The following PDE1C variants were observed in gnomAD, a reference collection of about 807,000 sequenced individuals.
PDE1C encodes the protein phosphodiesterase 1C, also known as dual specificity calcium/calmodulin-dependent 3',5'-cyclic nucleotide phosphodiesterase 1C.
Under a neutral mutation model 93.1 loss-of-function variants are expected in PDE1C, and 62 were observed. That is an observed-to-expected ratio of 0.67 (90% confidence interval 0.54 to 0.82). PDE1C has a LOEUF of 0.82. Ranked by LOEUF, PDE1C falls within the 40% of genes least tolerant of loss-of-function variation. PDE1C has a pLI of 0.00. For synonymous variants in PDE1C, 325 were observed against 310.1 expected (o/e 1.05, Z -0.50); for missense variants, 742 against 884.6 (o/e 0.84, Z 2.04).
chr7:32,165,514 C>A (rs965555866), intron 3 of PDE1C, among the ~76,000 whole-genome samples: 3 of 152,110 alleles, frequency 2.0e-5, no homozygotes, highest in Admixed American at 2.0e-4. Flanking sequence ...ACAACCATGG[C>A]AGAAGGTGAA....
the PDE1C span, among the ~76,000 whole-genome samples, chr7:31,729,653 G>T: frequency 6.6e-6 from 1 of 152,164 alleles, no homozygotes; most frequent in Admixed American, 6.5e-5. Flanking sequence ...GATTCACACT[G>T]AGAATGTTGA....
At chr7:32,374,646 A>C (rs1784405091) in intron 1 of PDE1C, among the ~76,000 whole-genome samples, 1 of 152,258 alleles carries the variant, frequency 6.6e-6, no homozygotes, top group East Asian at 1.9e-4. Flanking sequence ...TGTGGAGCAC[A>C]GTCAACCCAT....
chr7:32,058,582 G>A (rs956439670), intron 1 of PDE1C, among the ~76,000 whole-genome samples: 4 of 152,164 alleles, frequency 2.6e-5, no homozygotes, highest in Non-Finnish European at 5.9e-5. Flanking sequence ...TACATCATTT[G>A]TATGAATTAA....
At chr7:32,041,258 C>A (rs1002811550) in intron 2 of PDE1C, among the ~76,000 whole-genome samples, 5 of 152,196 alleles carry the variant, frequency 3.3e-5, no homozygotes, top group Admixed American at 6.5e-5. Context: ...AGGTTCACGA[C>A]AGGACTCAGA....
rs146672004 is a variant in PDE1C at position 32,112,404 on chromosome 7, T to G, written c.308+57381A>C. ...ATTTTGCCAATGGCTGCAACACATT[T>G]TATTGAGATAACTATCCCTTCCTGA... On this transcript the variant is annotated intron_variant, in intron 3 of 18. Transcript: ENST00000396193. Among the ~76,000 whole-genome samples the G allele has an allele frequency of 5.4e-3, 817 of 152,276 alleles. 4 individuals are homozygous for G. The highest frequency in any genetic ancestry group is 8.8e-3 in the Non-Finnish European group (601 of 68,006).
chr7:32,299,266 C>T, exon 1 of PDE1C: 2 of 987,182 alleles, frequency 2.0e-6, no homozygotes, highest in Non-Finnish European at 1.2e-6. Context: ...AGCACATCAA[C>T]AGATGGAAAG....
At chr7:31,929,329 A>C (rs1052099828) in intron 2 of PDE1C, among the ~76,000 whole-genome samples, 2 of 152,174 alleles carry the variant, frequency 1.3e-5, no homozygotes, top group Non-Finnish European at 2.9e-5. Flanking sequence ...ACTCCCACAC[A>C]ATAATAGTGG....
intron 9 of PDE1C, among the ~76,000 whole-genome samples, chr7:31,840,933 A>C (rs1791781197): frequency 6.6e-6 from 1 of 152,080 alleles, no homozygotes; most frequent in African/African-American, 2.4e-5. Context: ...TTCCAACATA[A>C]TTCTGCTGGA....
At chr7:32,147,864 C>T (rs4352745) in intron 3 of PDE1C, among the ~76,000 whole-genome samples, 37,140 of 151,602 alleles carry the variant, frequency 0.24, 4,794 homozygotes, top group South Asian at 0.36. Context: ...AAAGCTGATG[C>T]CATTGGGAGT....
the PDE1C span, among the ~76,000 whole-genome samples, chr7:31,724,811 A>G: frequency 1.3e-5 from 2 of 152,130 alleles, no homozygotes; most frequent in Non-Finnish European, 2.9e-5. Context: ...TTTGATAGAC[A>G]TATAAGGTGG....
At chr7:31,999,402 C>G (rs1387486421) in intron 2 of PDE1C, among the ~76,000 whole-genome samples, 2 of 152,278 alleles carry the variant, frequency 1.3e-5, no homozygotes, top group East Asian at 1.9e-4. Context: ...ATTACAACTC[C>G]GTTCAAACAC....
chr7:31,897,246 T>A (rs1431183286), intron 2 of PDE1C, among the ~76,000 whole-genome samples: 1 of 152,210 alleles, frequency 6.6e-6, no homozygotes, highest in South Asian at 2.1e-4. Flanking sequence ...AGGGAAGGCA[T>A]GGATTCAATG....
At chr7:31,923,870 A>G (rs1177455756) in intron 2 of PDE1C, among the ~76,000 whole-genome samples, 2 of 152,220 alleles carry the variant, frequency 1.3e-5, no homozygotes, top group Non-Finnish European at 2.9e-5. Context: ...CTCTCAGCAG[A>G]GCCAAGCTCA....
At chr7:32,169,890 T>G in exon 3 of PDE1C, 1 of 1,612,688 alleles carries the variant, frequency 6.2e-7, no homozygotes, top group Non-Finnish European at 8.5e-7. Context: ...TGGCCTTGGC[T>G]TCTCCTTGAC....
chr7:32,340,593 T>A (rs1341062583), intron 1 of PDE1C, among the ~76,000 whole-genome samples: 1 of 152,218 alleles, frequency 6.6e-6, no homozygotes, highest in Admixed American at 6.5e-5. Flanking sequence ...CAATCATATT[T>A]GTGTTTTTAA....
intron 2 of PDE1C, among the ~76,000 whole-genome samples, chr7:31,904,072 G>A (rs1370809155): frequency 2.0e-5 from 3 of 152,064 alleles, no homozygotes; most frequent in African/African-American, 4.8e-5. Context: ...TTTGGCTGGT[G>A]GGAAAATTCA....
At chr7:31,919,658 T>G (rs1354907043) in intron 2 of PDE1C, among the ~76,000 whole-genome samples, 1 of 152,194 alleles carries the variant, frequency 6.6e-6, no homozygotes, top group African/African-American at 2.4e-5. Flanking sequence ...AAGCAAGATC[T>G]TCACTTTTGA....
intron 2 of PDE1C, among the ~76,000 whole-genome samples, chr7:32,038,869 C>T (rs925421565): frequency 4.6e-5 from 7 of 152,068 alleles, no homozygotes; most frequent in African/African-American, 1.4e-4. Flanking sequence ...AAATGGGAAG[C>T]GATTTAAGCT....
chr7:32,207,902 C>T (rs889886259), intron 2 of PDE1C, among the ~76,000 whole-genome samples: 6 of 152,210 alleles, frequency 3.9e-5, no homozygotes, highest in Non-Finnish European at 7.3e-5. Flanking sequence ...GGAAGGGGCA[C>T]CCAGCACAGC....
Sources: allele counts gnomAD v4.1 joint callset (sites outside exome capture counted in the v4.1 genomes callset), GRCh38; gene constraint gnomAD v4.1.1; transcripts MANE v1.5; gene names NCBI Gene and HGNC (gene_info 2026-07-23, HGNC 2026-07-21).